PTCHD4: variants seen among roughly 807,000 people sequenced by gnomAD.
PTCHD4 encodes the protein patched domain containing 4, also known as patched domain-containing protein 4.
A neutral mutation model predicts 58.1 loss-of-function variants in PTCHD4; 33 were observed. The ratio of observed to expected loss-of-function variants is 0.57; its 90% confidence interval spans 0.43 to 0.76. PTCHD4 has a LOEUF of 0.76. PTCHD4 is among the 30% of genes least tolerant of loss of function. The probability of loss-of-function intolerance (pLI) is 0.00; values close to 1 mark genes in which losing one functional copy is unlikely to be tolerated. For missense variants in PTCHD4, 1,058 were observed against 1,027.1 expected (o/e 1.03, Z -0.41); for synonymous variants, 478 against 409.6 (o/e 1.17, Z -2.02).
rs758477702 is a variant in PTCHD4 at position 48,068,280 on chromosome 6, G to A, written c.367C>T (p.Leu123Phe). 3.7e-6 allele frequency: 6 copies of A among 1,608,964 alleles called. No homozygotes were observed. Among genetic ancestry groups the A allele is most frequent in the Middle Eastern group, 1.6e-4 (1 of 6,066 alleles). ...GTCTGCAGGATCCCCTCAGCCTGGAGCAAAATATTGTCCCCGGTTGGGGAG... is the reference window on the plus strand; with the variant it reads ...GTCTGCAGGATCCCCTCAGCCTGGAACAAAATATTGTCCCCGGTTGGGGAG... ...LLSPTGDNIL[L>F]QAEGILQTHR... The change falls in exon 3 of 5, where the codon CTC becomes TTC. Residue 123 changes from leucine to phenylalanine, a missense_variant. Physicochemically the swap from Leu to Phe is conservative, Grantham distance 22. Coordinates refer to ENST00000339488, the MANE Select transcript of PTCHD4 (RefSeq NM_001384253.1). The surrounding 1 kb of genome is among the most constrained non-coding windows in gnomAD (Gnocchi z 4.2).
intron 1 of PTCHD4, among the ~76,000 whole-genome samples, chr6:48,074,980 T>A (rs1765036855): frequency 6.6e-6 from 1 of 152,104 alleles, no homozygotes; most frequent in African/African-American, 2.4e-5. Flanking sequence ...TATCTTTATT[T>A]AAATTATCTT....
chr6:47,980,672 A>G (rs183567127), intron 4 of PTCHD4, among the ~76,000 whole-genome samples: 55 of 152,104 alleles, frequency 3.6e-4, no homozygotes, highest in Admixed American at 5.9e-4. Context: ...ATTTATAATG[A>G]TAAAGTTTCA....
At chr6:47,921,956 A>AAAAG (rs764573720) in intron 4 of PTCHD4, among the ~76,000 whole-genome samples, 49 of 147,046 alleles carry the variant, frequency 3.3e-4, no homozygotes, top group Non-Finnish European at 5.8e-4. Context: ...AAAAAAAAAA[A>AAAAG]AAAAGAAAAG....
chr6:48,014,299 G>A (rs1191201814), intron 3 of PTCHD4, among the ~76,000 whole-genome samples: 2 of 152,120 alleles, frequency 1.3e-5, no homozygotes, highest in Admixed American at 6.6e-5. Context: ...ATACTATTTT[G>A]TAAGGGATTA....
intron 4 of PTCHD4, among the ~76,000 whole-genome samples, chr6:47,884,738 A>G (rs1764129930): frequency 6.6e-6 from 1 of 152,226 alleles, no homozygotes; most frequent in Non-Finnish European, 1.5e-5. Context: ...TACCTAATAT[A>G]TAAAGAGGAA....
chr6:48,105,988 C>A (rs1562051863), intron 1 of PTCHD4, among the ~76,000 whole-genome samples: 1 of 152,050 alleles, frequency 6.6e-6, no homozygotes, highest in South Asian at 2.1e-4. Flanking sequence ...AAGTCCAGGA[C>A]AAGATGGATT....
chr6:48,008,696 A>C lies in PTCHD4; in HGVS notation c.836T>G (p.Ile279Ser). 1 of 1,613,748 alleles carries C rather than the reference A, an allele frequency of 6.2e-7. No individual in the cohort carries two copies. The highest frequency in any genetic ancestry group is 8.5e-7 in the Non-Finnish European group (1 of 1,179,820). Residue 279 changes from isoleucine to serine, a missense_variant, in exon 4 of 5, where the codon ATC (isoleucine) becomes AGC (serine). By Grantham distance (142) the Ile-to-Ser change is moderately radical. Transcript: ENST00000339488. ...VCISIITAAG[I>S]FFITDGKYNS... ...GTACTTTCCATCGGTGATGAAGAAG[A>C]TCCCTGCTGCTGTGATGATGGAGAT... is the stretch of plus-strand genomic sequence containing the variant.
intron 4 of PTCHD4, among the ~76,000 whole-genome samples, chr6:47,921,071 A>G (rs1456833509): frequency 6.6e-6 from 1 of 152,160 alleles, no homozygotes; most frequent in East Asian, 1.9e-4. Context: ...ACAAAAAGCA[A>G]AACAACTGGC....
chr6:48,063,998 T>C (rs952171348), intron 3 of PTCHD4, among the ~76,000 whole-genome samples: 2 of 152,170 alleles, frequency 1.3e-5, no homozygotes, highest in African/African-American at 4.8e-5. Context: ...CTGTCTTCTG[T>C]TAAGAAGCAG....
intron 1 of PTCHD4, among the ~76,000 whole-genome samples, chr6:48,099,453 A>G (rs1030595790): frequency 6.6e-6 from 1 of 152,224 alleles, no homozygotes; most frequent in African/African-American, 2.4e-5. Context: ...TCCACAGGAT[A>G]ACAGCAACAT....
Position 48,068,379 on chromosome 6 carries a change from G to A in PTCHD4, c.268C>T (p.Pro90Ser). Residue 90 changes from proline to serine, a missense_variant, in exon 3 of 5, where the codon CCC (proline) becomes TCC (serine). Pro to Ser is a moderately conservative substitution (Grantham distance 74, BLOSUM62 -1). Transcript: ENST00000339488. The surrounding 1 kb of genome is among the most constrained non-coding windows in gnomAD (Gnocchi z 4.2). ...IERSLASSLF[P>S]LDQSKSQLYS... The stretch of plus-strand genomic sequence containing the variant: ...AGCTGGCTTTTGGACTGGTCCAGGG[G>A]GAAAAGGCTGCTGGCCAGGCTGCGC... 2 of 1,613,972 alleles carry A rather than the reference G, an allele frequency of 1.2e-6. No homozygotes were observed. Among genetic ancestry groups the A allele is most frequent in the East Asian group, 2.2e-5 (1 of 44,842 alleles).
intron 4 of PTCHD4, among the ~76,000 whole-genome samples, chr6:47,984,585 T>C (rs980650807): frequency 1.3e-5 from 2 of 152,156 alleles, no homozygotes; most frequent in African/African-American, 2.4e-5. Flanking sequence ...GATTTATTGG[T>C]GATTGCATTA....
intron 4 of PTCHD4, among the ~76,000 whole-genome samples, chr6:47,904,820 T>C (rs1041647915): frequency 2.0e-5 from 3 of 152,160 alleles, no homozygotes; most frequent in Non-Finnish European, 4.4e-5. Context: ...CTTTAGTAAG[T>C]ATAAATTACA....
chr6:47,989,344 A>G (rs1768197652), intron 4 of PTCHD4, among the ~76,000 whole-genome samples: 1 of 152,244 alleles, frequency 6.6e-6, no homozygotes, highest in Non-Finnish European at 1.5e-5. Flanking sequence ...CATTTACTGA[A>G]GAGGAATTCA....
At chr6:47,913,822 T>G (rs1399204514) in intron 4 of PTCHD4, among the ~76,000 whole-genome samples, 1 of 152,140 alleles carries the variant, frequency 6.6e-6, no homozygotes, top group African/African-American at 2.4e-5. Context: ...ATGTAGATTC[T>G]AATGCCCCTT....
At chr6:47,949,031 A>T (rs1035137492) in intron 4 of PTCHD4, among the ~76,000 whole-genome samples, 2 of 152,214 alleles carry the variant, frequency 1.3e-5, no homozygotes, top group Non-Finnish European at 2.9e-5. Flanking sequence ...AATAATAAAC[A>T]AGTTGGAAAA....
intron 3 of PTCHD4, among the ~76,000 whole-genome samples, chr6:48,064,179 C>A (rs532504904): frequency 8.5e-5 from 13 of 152,106 alleles, no homozygotes; most frequent in Non-Finnish European, 1.5e-4. Context: ...ATGTTGGGAT[C>A]TAGACTTGGA....
At chr6:48,017,793 C>T (rs1176643455) in intron 3 of PTCHD4, among the ~76,000 whole-genome samples, 2 of 152,162 alleles carry the variant, frequency 1.3e-5, no homozygotes, top group Non-Finnish European at 2.9e-5. Flanking sequence ...ACATTCTTAA[C>T]ACAACTGCCC....
chr6:47,973,660 A>G (rs561100398), intron 4 of PTCHD4, among the ~76,000 whole-genome samples: 34 of 152,356 alleles, frequency 2.2e-4, no homozygotes, highest in Admixed American at 2.1e-3. Flanking sequence ...GTAGCTGTAT[A>G]TCTATAAGTA....
Sources: allele counts gnomAD v4.1 joint callset (sites outside exome capture counted in the v4.1 genomes callset), GRCh38; gene constraint gnomAD v4.1.1; non-coding constraint Gnocchi (gnomAD v3.1); transcripts MANE v1.5; gene names NCBI Gene and HGNC (gene_info 2026-07-23, HGNC 2026-07-21).